Variants in NANS observed in about 807,000 individuals in gnomAD.
The protein encoded by NANS is N-acetylneuraminate-9-phosphate synthase.
In NANS, 29 loss-of-function variants were observed where a neutral mutation model predicts 33.3. The ratio of observed to expected loss-of-function variants is 0.87; its 90% CI spans 0.65 to 1.19. The LOEUF is 1.19. Ranked by LOEUF, NANS falls within the 50% of genes most tolerant of loss-of-function variation. The pLI is 0.00. For missense variants in NANS, 394 were observed against 461.1 expected (o/e 0.85, Z 1.33); for synonymous variants, 163 against 177.2 (o/e 0.92, Z 0.64).
At chr9:98,073,217 T>C (rs566379458) in intron 2 of NANS, among the ~76,000 whole-genome samples, 24 of 150,832 alleles carry the variant, frequency 1.6e-4, no homozygotes, top group African/African-American at 5.4e-4. Flanking sequence ...CCCAGCCTAT[T>C]TGTGGCTACA....
chr9:98,082,596 C>T (rs558929344), intron 5 of NANS, among the ~76,000 whole-genome samples: 36 of 152,220 alleles, frequency 2.4e-4, no homozygotes, highest in African/African-American at 6.0e-4. Context: ...AACCTGGCTC[C>T]GCCTACATAG....
Position 98,081,023 on chromosome 9 carries a change from C to A in NANS, c.811C>A (p.Arg271Ser), listed in dbSNP as rs145067627. 6.2e-7 allele frequency: 1 copy of A among 1,614,090 alleles called. No individual in the cohort carries two copies. The highest frequency in any genetic ancestry group is 1.3e-5 in the African/African-American group (1 of 74,936). ...GGTGCGGTCAGTGCGTCTTGTGGAG[C>A]GTGCCCTGGGCTCCCCAACCAAGCA... Reference protein sequence around the residue: ...ELVRSVRLVERALGSPTKQLL... With the variant: ...ELVRSVRLVESALGSPTKQLL... The change falls in exon 5 of 6, where the codon CGT (arginine) becomes AGT (serine). Residue 271 changes from arginine to serine, a missense_variant. Coordinates refer to ENST00000210444, the MANE Select transcript of NANS (RefSeq NM_018946.4).
intron 2 of NANS, among the ~76,000 whole-genome samples, chr9:98,071,200 T>C (rs1829325709): frequency 1.3e-5 from 2 of 152,358 alleles, no homozygotes; most frequent in East Asian, 3.9e-4. Context: ...GTGTGGTGTG[T>C]ACCTGGCTAT....
intron 5 of NANS, chr9:98,081,884 A>G (rs1162234733): frequency 2.0e-5 from 3 of 152,212 alleles, no homozygotes; most frequent in African/African-American, 7.2e-5. Flanking sequence ...GTAAAAAGAA[A>G]TAGTTTCTTT....
chr9:98,078,836 GAAA>G (rs11424970), intron 4 of NANS, among the ~76,000 whole-genome samples: 3 of 123,020 alleles, frequency 2.4e-5, no homozygotes, highest in Non-Finnish European at 1.6e-5. Flanking sequence ...CTCTCAGGGG[GAAA>G]AAAAAAAAAA....
intron 1 of NANS, among the ~76,000 whole-genome samples, chr9:98,057,865 C>A (rs1828870135): frequency 7.9e-6 from 1 of 126,602 alleles, no homozygotes; most frequent in African/African-American, 3.0e-5. Context: ...GAGACAGGGT[C>A]TTGCTCTGTC....
chr9:98,060,654 G>A (rs1426368402), intron 1 of NANS, 128 bp from the exon 2 acceptor site: 1 of 921,664 alleles, frequency 1.1e-6, no homozygotes, highest in African/African-American at 1.7e-5. Flanking sequence ...CTGGGTGAAA[G>A]AGCGAAACTC....
chr9:98,063,090 G>T (rs377124297), intron 2 of NANS, among the ~76,000 whole-genome samples: 2 of 151,314 alleles, frequency 1.3e-5, no homozygotes, highest in Non-Finnish European at 2.9e-5. Context: ...AGGCCTGGCT[G>T]ATTTTTTTTG....
intron 2 of NANS, among the ~76,000 whole-genome samples, chr9:98,064,846 G>A (rs563086921): frequency 5.9e-5 from 9 of 152,308 alleles, no homozygotes; most frequent in African/African-American, 1.4e-4. Flanking sequence ...GAGAGTCTCC[G>A]CATGCACCAC....
rs776473084 is a variant in NANS at position 98,056,928 on chromosome 9, C to A, written c.120C>A (p.Ile40=). Residue 40 remains isoleucine (I), a synonymous_variant, in exon 1 of 6, where the codon ATC becomes ATA. Coordinates refer to ENST00000210444, the MANE Select transcript of NANS (RefSeq NM_018946.4). ...QGDLDVAKRM[I]RMAKECGADC... Reference sequence around the variant, plus strand: ...ACCTGGACGTAGCCAAGCGCATGATCCGCATGGCCAAGGTGAGGCGGCAGC... The same window carrying A: ...ACCTGGACGTAGCCAAGCGCATGATACGCATGGCCAAGGTGAGGCGGCAGC... 1 of 1,600,868 alleles carries A rather than the reference C, an allele frequency of 6.2e-7. No homozygotes were observed. The highest frequency in any genetic ancestry group is 2.3e-5 in the East Asian group (1 of 43,352).
intron 1 of NANS, 108 bp from the exon 2 acceptor site, chr9:98,060,670 CTAAA>C (rs1011642515): frequency 1.0e-4 from 107 of 1,062,594 alleles, no homozygotes; most frequent in Non-Finnish European, 1.3e-4. Context: ...AACTCTGTCT[CTAAA>C]TAAATAAATA....
At chr9:98,056,992 CG>C (rs753296138) in intron 1 of NANS, 52 bp downstream of exon 1, 60 of 1,499,374 alleles carry the variant, frequency 4.0e-5, no homozygotes, top group Non-Finnish European at 5.1e-5. Flanking sequence ...AGGGGCGGGG[CG>C]GGGCCGCGGG....
chr9:98,075,403 G>C (rs922575114), intron 2 of NANS: 1 of 149,064 alleles, frequency 6.7e-6, no homozygotes, highest in Non-Finnish European at 1.5e-5. Flanking sequence ...GGGAGGGAGG[G>C]AGGAAGGAAA....
Position 98,080,883 on chromosome 9 carries a change from C to G in NANS, c.671C>G (p.Ser224Cys), listed in dbSNP as rs767649439. ...YSGHETGIAI[S>C]VAAVALGAKV... Reference sequence around the variant, plus strand: ...GGGCATGAAACAGGCATAGCGATATCTGTGGCCGCAGTGGCTCTGGGGGCC... The same window carrying G: ...GGGCATGAAACAGGCATAGCGATATGTGTGGCCGCAGTGGCTCTGGGGGCC... The change falls in exon 5 of 6, where the codon TCT becomes TGT. Residue 224 changes from serine (S) to cysteine (C), a missense_variant. Transcript: ENST00000210444. The G allele has an allele frequency of 4.3e-6, 7 of 1,613,954 alleles. No individual in the cohort carries two copies. In the African/African-American group the frequency reaches 5.3e-5, roughly 12 times the overall value.
At position 98,078,305 on chromosome 9, in the gene NANS, A is replaced by T; in HGVS notation, c.561A>T (p.Ala187=). The change falls in exon 4 of 6, where the codon GCA becomes GCT. Residue 187 remains alanine (A), a synonymous_variant. Transcript: ENST00000210444. ...TCTGCTTCTTGCAGTGTACCAGCGC[A>T]TACCCGCTCCAGCCTGAGGACGTCA... The part of the protein sequence containing the change: ...PNFCFLQCTS[A]YPLQPEDVNL... 1.2e-6 allele frequency: 2 copies of T among 1,613,846 alleles called. No homozygotes were observed. The highest frequency in any genetic ancestry group is 1.7e-6 in the Non-Finnish European group (2 of 1,179,974).
At position 98,056,897 on chromosome 9, in the gene NANS, A is replaced by G; in HGVS notation, c.89A>G (p.Gln30Arg). Residue 30 changes from glutamine to arginine, a missense_variant, in exon 1 of 6, where the codon CAG (glutamine) becomes CGG (arginine). Physicochemically the swap from Gln to Arg is conservative, Grantham distance 43 (BLOSUM62 1). Coordinates refer to ENST00000210444, the MANE Select transcript of NANS (RefSeq NM_018946.4). ...FIIAEIGQNHQGDLDVAKRMI... is the reference protein window; with the variant it reads ...FIIAEIGQNHRGDLDVAKRMI... The stretch of plus-strand genomic sequence containing the variant: ...ATTGCCGAGATCGGCCAGAACCACC[A>G]GGGCGACCTGGACGTAGCCAAGCGC... 1.2e-6 allele frequency: 2 copies of G among 1,610,856 alleles called. No homozygotes were observed. The highest frequency in any genetic ancestry group is 1.7e-6 in the Non-Finnish European group (2 of 1,178,836).
At chr9:98,081,345 T>G in intron 5 of NANS, 1 of 494,800 alleles carries the variant, frequency 2.0e-6, no homozygotes, top group Non-Finnish European at 3.6e-6. Flanking sequence ...CTTCCACTAA[T>G]TCTCTGAAGC....
intron 5 of NANS, chr9:98,081,328 T>G (rs1182302819): frequency 1.8e-6 from 1 of 544,448 alleles, no homozygotes; most frequent in Non-Finnish European, 3.2e-6. Flanking sequence ...TAGGGTCACA[T>G]TAGAGTCTTC....
chr9:98,082,895 TAAC>T lies in NANS; in HGVS notation c.923_925del (p.Thr308del). 1 of 1,614,162 alleles carries T rather than the reference TAAC, an allele frequency of 6.2e-7. No individual in the cohort carries two copies. The highest frequency in any genetic ancestry group is 1.1e-5 in the South Asian group (1 of 91,088). On this transcript the variant is annotated inframe_deletion, in exon 6 of 6. Coordinates refer to ENST00000210444, the MANE Select transcript of NANS (RefSeq NM_018946.4). ...GTGAAAATTCCGGAAGGCACCATTCTAACAATGGACATGCTCACCGTGAAGGTG... is the reference window on the plus strand; with the variant it reads ...GTGAAAATTCCGGAAGGCACCATTCTAATGGACATGCTCACCGTGAAGGTG...
Sources: allele counts gnomAD v4.1 joint callset (sites outside exome capture counted in the v4.1 genomes callset), GRCh38; gene constraint gnomAD v4.1.1; transcripts MANE v1.5; gene names NCBI Gene and HGNC (gene_info 2026-07-23, HGNC 2026-07-21).